ZZEF1: variants seen among roughly 807,000 people sequenced by gnomAD.
ZZEF1 encodes the protein zinc finger ZZ-type and EF-hand domain-containing protein 1.
ZZEF1 carries 157 observed loss-of-function variants against 342.8 expected under a neutral mutation model. The ratio of observed to expected loss-of-function variants is 0.46; its 90% confidence interval spans 0.40 to 0.52. The LOEUF (loss-of-function observed/expected upper bound fraction) is 0.52, where lower values mean the gene tolerates loss of function less well. Ranked by LOEUF, ZZEF1 falls within the 20% of genes least tolerant of loss-of-function variation. ZZEF1 has a pLI of 0.00. For synonymous variants in ZZEF1, 1,505 were observed against 1,429.1 expected, an observed-to-expected ratio of 1.05 and a Z score of -1.20; for missense variants, 3,480 against 3,725.6, an observed-to-expected ratio of 0.93 and a Z score of 1.72.
At chr17:4,088,468 G>A (rs962859237) in intron 13 of ZZEF1, among the ~76,000 whole-genome samples, 9 of 152,134 alleles carry the variant, frequency 5.9e-5, no homozygotes, top group Admixed American at 4.6e-4. Flanking sequence ...ATGGCCACAG[G>A]CCACTCACTG....
chr17:4,013,464 C>T lies in ZZEF1; in HGVS notation c.8564G>A (p.Arg2855Gln), dbSNP rs139915121. The T allele has an allele frequency of 9.4e-5, 152 of 1,609,906 alleles. No individual in the cohort carries two copies. Among genetic ancestry groups the T allele is most frequent in the Admixed American group, 3.9e-4 (23 of 59,512 alleles). The change falls in exon 52 of 55, where the codon CGA becomes CAA. Residue 2855 changes from arginine to glutamine, a missense_variant. By Grantham distance (43) the Arg-to-Gln change is conservative (BLOSUM62 1). Around this residue, in one of 5 missense-constraint regions of ZZEF1, gnomAD observed 1,269 missense variants for 1,342.4 expected, o/e 0.95. Coordinates refer to ENST00000381638, the MANE Select transcript of ZZEF1 (RefSeq NM_015113.4). ...CACCGCTTACCTGTGGCCGCAGCAT[C>T]GCACAATCCTCAGAAGTAAGTGGAT... ...KAIHLLLRIV[R>Q]CCGHSDLCDL...
At chr17:4,121,355 G>C (rs2058479983) in intron 2 of ZZEF1, among the ~76,000 whole-genome samples, 1 of 152,210 alleles carries the variant, frequency 6.6e-6, no homozygotes, top group Non-Finnish European at 1.5e-5. Context: ...CGGGTGCAGT[G>C]GCTCACGCCT....
At chr17:4,035,950 A>C (rs956330938) in intron 39 of ZZEF1, among the ~76,000 whole-genome samples, 1 of 152,068 alleles carries the variant, frequency 6.6e-6, no homozygotes, top group Non-Finnish European at 1.5e-5. Context: ...ACATATAAAA[A>C]TTAGCCGGGT....
rs778728245 is a variant in ZZEF1, at chr17:4,032,834, G to C, written c.6753C>G (p.Phe2251Leu). 1 of 1,613,982 alleles carries C rather than the reference G, an allele frequency of 6.2e-7. No homozygotes were observed. Among genetic ancestry groups the C allele is most frequent in the Admixed American group, 1.7e-5 (1 of 60,032 alleles). ...GGCCTTCAGAGTGTGGTACCTGGGGGAAGCCAACCAGCACGAGCAGGGTGA... is the reference window on the plus strand; with the variant it reads ...GGCCTTCAGAGTGTGGTACCTGGGGCAAGCCAACCAGCACGAGCAGGGTGA... ...NIFTLLVLVGFPQVLCVGTRC... is the reference protein window; with the variant it reads ...NIFTLLVLVGLPQVLCVGTRC... The change falls in exon 41 of 55, where the codon TTC becomes TTG. Residue 2251 changes from phenylalanine (F) to leucine (L), a missense_variant. This residue lies in a region of ZZEF1 where 1,269 missense variants were observed against 1,342.4 expected (regional missense o/e 0.95). Coordinates refer to ENST00000381638, the MANE Select transcript of ZZEF1 (RefSeq NM_015113.4).
chr17:4,077,206 G>C (rs141312109), intron 19 of ZZEF1, among the ~76,000 whole-genome samples: 1 of 148,780 alleles, frequency 6.7e-6, no homozygotes, highest in African/African-American at 2.5e-5. Context: ...ATTTTTTTTT[G>C]TCTTTTGATG....
At chr17:4,036,488 A>T (rs1332300762) in intron 39 of ZZEF1, among the ~76,000 whole-genome samples, 1 of 151,974 alleles carries the variant, frequency 6.6e-6, no homozygotes, top group Non-Finnish European at 1.5e-5. Flanking sequence ...TAATCCCAGC[A>T]CTTTGGGAGG....
chr17:4,123,878 C>T, intron 2 of ZZEF1, 29 bp downstream of exon 2: 1 of 1,606,694 alleles, frequency 6.2e-7, no homozygotes, highest in Non-Finnish European at 8.5e-7. Context: ...CACTTTGGTT[C>T]TAAGACAGCA....
intron 18 of ZZEF1, among the ~76,000 whole-genome samples, chr17:4,078,569 G>C (rs948040616): frequency 6.6e-6 from 1 of 152,220 alleles, no homozygotes; most frequent in East Asian, 1.9e-4. Context: ...GAAGAACAAG[G>C]AAATGGTGAA....
chr17:4,050,785 T>C lies in ZZEF1; in HGVS notation c.5859A>G (p.Gly1953=), dbSNP rs2057027339. 6.2e-7 allele frequency: 1 copy of C among 1,613,656 alleles called. No homozygotes were observed. The highest frequency in any genetic ancestry group is 1.3e-5 in the African/African-American group (1 of 74,928). The change falls in exon 36 of 55, where the codon GGA becomes GGG. Residue 1953 remains glycine (G), a synonymous_variant. Transcript: ENST00000381638. ...VGDCLMKAHQ[G]KGLKALALLG... ...TTCTGTGCATTGGGAAGTCACCTTTTCCCTGATGAGCCTTCATCAGACAGT... is the reference window on the plus strand; with the variant it reads ...TTCTGTGCATTGGGAAGTCACCTTTCCCCTGATGAGCCTTCATCAGACAGT...
chr17:4,114,790 TA>T (rs1227973129), intron 3 of ZZEF1, among the ~76,000 whole-genome samples: 1 of 152,200 alleles, frequency 6.6e-6, no homozygotes, highest in Non-Finnish European at 1.5e-5. Context: ...TAATCACTGA[TA>T]TATTTGCAAA....
At chr17:4,084,092 A>C (rs1454324555) in intron 16 of ZZEF1, among the ~76,000 whole-genome samples, 3 of 152,254 alleles carry the variant, frequency 2.0e-5, no homozygotes, top group Non-Finnish European at 4.4e-5. Context: ...AGAAGCAACG[A>C]CAGTAAGCAT....
chr17:4,017,546 C>G lies in ZZEF1; in HGVS notation c.7826G>C (p.Arg2609Pro), dbSNP rs756072923. The change falls in exon 48 of 55, where the codon CGA becomes CCA. Residue 2609 changes from arginine (R) to proline (P), a missense_variant. Physicochemically the swap from Arg to Pro is moderately radical, Grantham distance 103. Around this residue, in one of 5 missense-constraint regions of ZZEF1, gnomAD observed 1,269 missense variants for 1,342.4 expected, o/e 0.95. Transcript: ENST00000381638. This position sits in a 1 kb window ranked among gnomAD's most constrained non-coding sequence, Gnocchi z 5.1. Reference protein sequence around the residue: ...SKRAVRDYLFRVNEATAVLYA... With the variant: ...SKRAVRDYLFPVNEATAVLYA... ...CAGGACAGCTGTGGCCTCGTTCACT[C>G]GGAAGAGGTAGTCCCGGACAGCCCT... The G allele has an allele frequency of 4.3e-6, 7 of 1,614,128 alleles. No individual in the cohort carries two copies. Among genetic ancestry groups the G allele is most frequent in the Non-Finnish European group, 5.9e-6 (7 of 1,180,050 alleles).
rs74609076 is a variant in ZZEF1, at chr17:4,054,748, G to C, written c.5296-553C>G. Among the ~76,000 whole-genome samples the C allele has an allele frequency of 5.3e-3, 801 of 152,232 alleles. 10 individuals are homozygous for C. Among genetic ancestry groups the C allele is most frequent in the African/African-American group, 0.018 (767 of 41,528 alleles). ...TTTTAGAGAGAAGAGTAATGTGATCGGACTGGAGTGCTCTTCTGGAAGTTG... is the reference window on the plus strand; with the variant it reads ...TTTTAGAGAGAAGAGTAATGTGATCCGACTGGAGTGCTCTTCTGGAAGTTG... On this transcript the variant is annotated intron_variant, in intron 33 of 54. Coordinates refer to ENST00000381638, the MANE Select transcript of ZZEF1 (RefSeq NM_015113.4).
Position 4,022,820 on chromosome 17 carries a change from A to G in ZZEF1, c.7101T>C (p.Gly2367=). The change falls in exon 44 of 55, where the codon GGT becomes GGC. Residue 2367 remains glycine, a synonymous_variant. Coordinates refer to ENST00000381638, the MANE Select transcript of ZZEF1 (RefSeq NM_015113.4). The part of the protein sequence containing the change: ...KGLYKTLKAH[G]FEEIRATFLQ... ...GGAAAGTAGCACGGATCTCCTCAAA[A>G]CCGTGAGCCTGCCAAGCAGAAGAAG... 6.2e-7 allele frequency: 1 copy of G among 1,613,648 alleles called. No homozygotes were observed. Among genetic ancestry groups the G allele is most frequent in the Non-Finnish European group, 8.5e-7 (1 of 1,179,918 alleles).
At chr17:4,056,084 A>C in intron 33 of ZZEF1, 132 bp downstream of exon 33, 1 of 988,582 alleles carries the variant, frequency 1.0e-6, no homozygotes, top group Non-Finnish European at 1.4e-6. Context: ...GCGGTTGGGG[A>C]CCCCTTCACT....
intron 42 of ZZEF1, among the ~76,000 whole-genome samples, chr17:4,030,278 G>A (rs1035779061): frequency 5.9e-5 from 9 of 151,886 alleles, no homozygotes; most frequent in Non-Finnish European, 1.3e-4. Flanking sequence ...AAGAGAAGAC[G>A]GCTCATACCC....
chr17:4,011,880 T>C (rs756134884), intron 52 of ZZEF1, among the ~76,000 whole-genome samples: 6 of 152,222 alleles, frequency 3.9e-5, no homozygotes, highest in Non-Finnish European at 7.3e-5. Flanking sequence ...ACAATGTACC[T>C]GCGAGCTGAG....
intron 6 of ZZEF1, 116 bp downstream of exon 6, chr17:4,109,537 C>A: frequency 9.0e-7 from 1 of 1,105,456 alleles, no homozygotes. Flanking sequence ...CACCTGAGGC[C>A]GAGCTGACTG....
intron 31 of ZZEF1, 143 bp downstream of exon 31, chr17:4,059,028 T>C: frequency 3.3e-6 from 2 of 613,280 alleles, no homozygotes; most frequent in Non-Finnish European, 5.2e-6. Context: ...CATTAGTGAT[T>C]AGCTCTCTAG....
Sources: gnomAD v4.1 joint callset for allele counts (sites outside exome capture counted in the v4.1 genomes callset) on GRCh38, gnomAD v4.1.1 for gene constraint, gnomAD v4.1.1 regional missense constraint, Gnocchi (gnomAD v3.1) non-coding constraint, MANE v1.5 for transcripts, NCBI Gene and HGNC (gene_info 2026-07-23, HGNC 2026-07-21) for gene names.